CACNB2: variants seen among roughly 807,000 people sequenced by gnomAD.
CACNB2 encodes voltage-dependent L-type calcium channel subunit beta-2.
In CACNB2, 42 loss-of-function variants were observed where a neutral mutation model predicts 73.3. The observed-to-expected ratio is 0.57, with a 90% CI of 0.45 to 0.74. CACNB2 has a LOEUF of 0.74. Among genes scored for constraint, CACNB2 ranks in the 30% least tolerant of loss-of-function variants. The pLI, the probability that CACNB2 is intolerant of heterozygous loss-of-function variation, is 0.00. For synonymous variants in CACNB2, 348 were observed against 310.3 expected, an observed-to-expected ratio of 1.12 and a Z score of -1.28; for missense variants, 940 against 853.0, an observed-to-expected ratio of 1.10 and a Z score of -1.27.
At chr10:18,431,500 T>G (rs1321665291) in intron 3 of CACNB2, among the ~76,000 whole-genome samples, 2 of 152,166 alleles carry the variant, frequency 1.3e-5, no homozygotes, top group Non-Finnish European at 2.9e-5. Flanking sequence ...AGAATGAACT[T>G]CAGCAAAGTT....
chr10:18,265,783 T>C (rs916424467), intron 2 of CACNB2, among the ~76,000 whole-genome samples: 1 of 152,224 alleles, frequency 6.6e-6, no homozygotes, highest in African/African-American at 2.4e-5. Context: ...GTGCACTTAC[T>C]TCTGGCCTGA....
chr10:18,474,388 G>A (rs143564717), intron 3 of CACNB2, among the ~76,000 whole-genome samples: 109 of 152,198 alleles, frequency 7.2e-4, no homozygotes, highest in Middle Eastern at 3.4e-3. Flanking sequence ...TTATTTTGCC[G>A]ACGTTAAGGA....
At chr10:18,521,948 C>G (rs1263571658) in intron 9 of CACNB2, among the ~76,000 whole-genome samples, 2 of 152,190 alleles carry the variant, frequency 1.3e-5, no homozygotes, top group African/African-American at 2.4e-5. Flanking sequence ...AGGGGCCACA[C>G]AGCAGACGGT....
chr10:18,521,011 G>A (rs757522089), intron 9 of CACNB2, among the ~76,000 whole-genome samples: 1 of 152,198 alleles, frequency 6.6e-6, no homozygotes, highest in Non-Finnish European at 1.5e-5. Context: ...TTTGTGAACT[G>A]TTGTATTCTC....
intron 2 of CACNB2, among the ~76,000 whole-genome samples, chr10:18,398,082 G>A (rs533488220): frequency 1.3e-5 from 2 of 152,300 alleles, no homozygotes; most frequent in East Asian, 3.9e-4. Context: ...ACGACCGCCA[G>A]CTGTTCCTGA....
chr10:18,370,888 G>A (rs1400888241), intron 2 of CACNB2, among the ~76,000 whole-genome samples: 5 of 152,064 alleles, frequency 3.3e-5, no homozygotes, highest in African/African-American at 1.2e-4. Flanking sequence ...TCTATATCTC[G>A]ATATGTAAAT....
In CACNB2 at chr10:18,401,971, T is replaced by C; in HGVS notation, c.261T>C (p.Ser87=). The C allele has an allele frequency of 2.5e-6, 4 of 1,613,990 alleles. No individual in the cohort carries two copies. The highest frequency in any genetic ancestry group is 3.4e-6 in the Non-Finnish European group (4 of 1,179,906). ...YTSRPSDSDV[S]LEEDREAVRR... is the part of the protein sequence containing the mutation. ...GCCGTCCATCCGATTCCGATGTATCTCTGGAGGAGGACCGGGAGGCAGTGC... is the reference window on the plus strand; with the variant it reads ...GCCGTCCATCCGATTCCGATGTATCCCTGGAGGAGGACCGGGAGGCAGTGC... Residue 87 remains serine, a synonymous_variant, in exon 3 of 14, where the codon TCT becomes TCC. Coordinates refer to ENST00000324631, the MANE Select transcript of CACNB2 (RefSeq NM_201596.3).
intron 6 of CACNB2, among the ~76,000 whole-genome samples, chr10:18,508,374 T>A (rs532945793): frequency 7.2e-5 from 11 of 152,266 alleles, no homozygotes; most frequent in African/African-American, 2.6e-4. Context: ...AGCCCCTGAA[T>A]CCACAGAGGA....
At chr10:18,322,436 ATTTGTTTTTGTTGTT>A (rs1427086387) in intron 2 of CACNB2, among the ~76,000 whole-genome samples, 3 of 152,166 alleles carry the variant, frequency 2.0e-5, no homozygotes, top group Non-Finnish European at 4.4e-5. Flanking sequence ...ACAATCAGTA[ATTTGTTTTTGTTGTT>A]TTTATATGTA....
chr10:18,518,471 T>G (rs2051499274), intron 8 of CACNB2, 55 bp downstream of exon 8: 29 of 1,169,526 alleles, frequency 2.5e-5, no homozygotes, highest in South Asian at 1.6e-4. Flanking sequence ...TTCTTTGTGA[T>G]GCTGCCTCCT....
intron 3 of CACNB2, among the ~76,000 whole-genome samples, chr10:18,462,591 A>T (rs1589429038): frequency 6.6e-6 from 1 of 152,134 alleles, no homozygotes; most frequent in Non-Finnish European, 1.5e-5. Flanking sequence ...AACAGTGTTC[A>T]CTTTCATATC....
chr10:18,483,661 G>T (rs772226032), intron 3 of CACNB2, among the ~76,000 whole-genome samples: 23 of 152,176 alleles, frequency 1.5e-4, no homozygotes, highest in Non-Finnish European at 2.9e-4. Flanking sequence ...AACCGCAGCT[G>T]TTGCAGTGGA....
intron 6 of CACNB2, among the ~76,000 whole-genome samples, chr10:18,510,768 C>A (rs1479594707): frequency 2.0e-5 from 3 of 152,186 alleles, no homozygotes; most frequent in African/African-American, 4.8e-5. Context: ...AGGGTACTAT[C>A]CCTTGAATGT....
Position 18,404,808 on chromosome 10 carries a change from T to C in CACNB2, c.333+2765T>C, listed in dbSNP as rs530608230. Among the ~76,000 whole-genome samples the C allele has an allele frequency of 9.2e-5, 14 of 152,330 alleles. No homozygotes were observed. In the East Asian group the frequency reaches 2.7e-3, roughly 29 times the overall value. ...TTTAAGTGACCTACAAAAGGTTATA[T>C]AACGAAGTACTCTGTGCTGTCAATA... On this transcript the variant is annotated intron_variant, in intron 3 of 13. Coordinates refer to ENST00000324631, the MANE Select transcript of CACNB2 (RefSeq NM_201596.3).
intron 3 of CACNB2, among the ~76,000 whole-genome samples, chr10:18,466,376 C>G (rs2047887026): frequency 6.6e-6 from 1 of 152,056 alleles, no homozygotes. Flanking sequence ...GCTGGGACTA[C>G]AGGTCCCAGC....
chr10:18,170,015 A>T (rs1343190449), intron 2 of CACNB2, among the ~76,000 whole-genome samples: 1 of 152,184 alleles, frequency 6.6e-6, no homozygotes, highest in African/African-American at 2.4e-5. Flanking sequence ...GATGGCTCCC[A>T]ACAGCTTTAG....
chr10:18,390,569 T>C (rs1177985748), intron 2 of CACNB2, among the ~76,000 whole-genome samples: 2 of 152,342 alleles, frequency 1.3e-5, no homozygotes, highest in African/African-American at 4.8e-5. Context: ...GTTTTATATT[T>C]ATTTGTCCAG....
intron 2 of CACNB2, chr10:18,260,646 G>C: frequency 1.0e-6 from 1 of 987,540 alleles, no homozygotes; most frequent in Non-Finnish European, 1.2e-6. Flanking sequence ...CAGGGGAGGA[G>C]GGAGAAGTAG....
intron 2 of CACNB2, among the ~76,000 whole-genome samples, chr10:18,286,938 C>T (rs2038829754): frequency 1.3e-5 from 2 of 152,148 alleles, no homozygotes; most frequent in South Asian, 4.1e-4. Context: ...TCCACGATCT[C>T]CAAGTTAAGG....
Sources: gnomAD v4.1 joint callset for allele counts (sites outside exome capture counted in the v4.1 genomes callset) on GRCh38, gnomAD v4.1.1 for gene constraint, MANE v1.5 for transcripts, NCBI Gene and HGNC (gene_info 2026-07-23, HGNC 2026-07-21) for gene names.